Variants in GCNT1 observed in about 807,000 individuals in gnomAD.
GCNT1 encodes the protein beta-1,3-galactosyl-O-glycosyl-glycoprotein beta-1,6-N-acetylglucosaminyltransferase.
Under a neutral mutation model 26.2 loss-of-function variants are expected in GCNT1, and 16 were observed. That is an observed-to-expected ratio of 0.61 (90% CI 0.41 to 0.93). GCNT1 has a LOEUF of 0.93. Among genes scored for constraint, GCNT1 ranks in the 40% least tolerant of loss-of-function variants. The probability of loss-of-function intolerance (pLI) is 0.00; values close to 1 mark genes in which losing one functional copy is unlikely to be tolerated. For synonymous variants in GCNT1, 183 were observed against 190.8 expected, an observed-to-expected ratio of 0.96 and a Z score of 0.34; for missense variants, 477 against 526.7, an observed-to-expected ratio of 0.91 and a Z score of 0.92.
At chr9:76,402,345 A>C in the GCNT1 span, among the ~76,000 whole-genome samples, 9 of 152,272 alleles carry the variant, frequency 5.9e-5, no homozygotes, top group Admixed American at 3.9e-4. Flanking sequence ...TATTAAATTC[A>C]GAAAACATAT....
Position 76,443,939 on chromosome 9 carries a change from AAGGAAGGAAGGAAGGAAGG to A in GCNT1, c.-290+1626_-290+1644del, listed in dbSNP as rs1564225870. Among the ~76,000 whole-genome samples the A allele has an allele frequency of 1.3e-3, 83 of 62,730 alleles. 2 individuals are homozygous for A. Among genetic ancestry groups the A allele is most frequent in the South Asian group, 4.4e-3 (8 of 1,838 alleles). 41.2% of individuals were successfully genotyped at this position (62,730 alleles called of 152,430 possible). On this transcript the variant is annotated intron_variant, in intron 1 of 2. Transcript: ENST00000442371. ...AAAGGAAGAAAGGAAGAAAGGAAGG[AAGGAAGGAAGGAAGGAAGG>A]AAGGAAGGAAGGAAGGAAGGAAGGA...
At chr9:76,398,168 A>T in the GCNT1 span, among the ~76,000 whole-genome samples, 3 of 152,240 alleles carry the variant, frequency 2.0e-5, no homozygotes, top group Non-Finnish European at 2.9e-5. Flanking sequence ...CTAAAGAGAA[A>T]GTAGAACTGG....
chr9:76,404,674 C>A, the GCNT1 span, among the ~76,000 whole-genome samples: 1 of 152,260 alleles, frequency 6.6e-6, no homozygotes, highest in Admixed American at 6.5e-5. Flanking sequence ...ATAAGTCCAG[C>A]TACCCTTCTA....
chr9:76,455,929 TAA>T (rs1823752594), upstream of GCNT1, among the ~76,000 whole-genome samples: 1 of 152,228 alleles, frequency 6.6e-6, no homozygotes. Flanking sequence ...ATTGTACTTG[TAA>T]CTATAGTTTT....
chr9:76,418,150 G>A (rs1276788283), upstream of GCNT1, among the ~76,000 whole-genome samples: 1 of 152,168 alleles, frequency 6.6e-6, no homozygotes, highest in Non-Finnish European at 1.5e-5. Flanking sequence ...AGAGAGGGGA[G>A]GAGGGGTTCC....
the GCNT1 span, chr9:76,394,122 C>T: frequency 1.2e-6 from 2 of 1,609,494 alleles, no homozygotes; most frequent in Admixed American, 1.7e-5. Flanking sequence ...GGAGCCGCGG[C>T]CGAAGCCCCG....
chr9:76,422,829 A>G (rs1179427458), intron 1 of GCNT1, among the ~76,000 whole-genome samples: 1 of 152,262 alleles, frequency 6.6e-6, no homozygotes, highest in Admixed American at 6.5e-5. Context: ...CTGGGATCAT[A>G]GGCATGAGTC....
intron 1 of GCNT1, among the ~76,000 whole-genome samples, chr9:76,434,424 C>T (rs6560520): frequency 0.66 from 100,058 of 152,044 alleles, 33,509 homozygotes; most frequent in African/African-American, 0.75. Context: ...ATTTATCACT[C>T]CCCTAATAAT....
the GCNT1 span, among the ~76,000 whole-genome samples, chr9:76,413,729 G>A: frequency 7.1e-6 from 1 of 141,834 alleles, no homozygotes; most frequent in East Asian, 2.2e-4. Context: ...AGCATATGTA[G>A]TTTGATGTCT....
intron 2 of GCNT1, among the ~76,000 whole-genome samples, chr9:76,478,161 C>T (rs529952094): frequency 1.3e-5 from 2 of 152,190 alleles, no homozygotes; most frequent in Non-Finnish European, 2.9e-5. Context: ...CAGCGAGTAG[C>T]GGCAACCTGC....
upstream of GCNT1, among the ~76,000 whole-genome samples, chr9:76,415,894 C>T (rs1169326865): frequency 6.6e-6 from 1 of 152,126 alleles, no homozygotes; most frequent in Admixed American, 6.5e-5. Context: ...TTTTGTTCCA[C>T]TGCCAAGATT....
chr9:76,427,121 ATC>A (rs1823267817), intron 1 of GCNT1, among the ~76,000 whole-genome samples: 1 of 152,086 alleles, frequency 6.6e-6, no homozygotes, highest in South Asian at 2.1e-4. Context: ...AGAAAAGATC[ATC>A]TGAGGACACA....
At chr9:76,395,420 G>A in the GCNT1 span, among the ~76,000 whole-genome samples, 1 of 152,040 alleles carries the variant, frequency 6.6e-6, no homozygotes, top group African/African-American at 2.4e-5. Context: ...AGATTTACCT[G>A]ATATTAAATT....
chr9:76,405,531 G>A, the GCNT1 span, among the ~76,000 whole-genome samples: 6 of 152,162 alleles, frequency 3.9e-5, no homozygotes, highest in Admixed American at 1.3e-4. Context: ...AAAATCCTCT[G>A]TGCTTTACTT....
intron 1 of GCNT1, among the ~76,000 whole-genome samples, chr9:76,444,327 T>C (rs1426719523): frequency 6.6e-6 from 1 of 151,842 alleles, no homozygotes; most frequent in Non-Finnish European, 1.5e-5. Flanking sequence ...CAGCATGAGG[T>C]TGGATGAGGC....
chr9:76,480,803 GAT>G (rs1345377176), intron 2 of GCNT1, among the ~76,000 whole-genome samples: 3 of 152,100 alleles, frequency 2.0e-5, no homozygotes, highest in African/African-American at 7.2e-5. Flanking sequence ...ATGGAGAACT[GAT>G]ATTTTTTCTT....
At chr9:76,398,763 G>A in the GCNT1 span, 1 of 1,252,892 alleles carries the variant, frequency 8.0e-7, no homozygotes, top group Non-Finnish European at 1.2e-6. Flanking sequence ...CTTGCAGCAG[G>A]AACCCACTTA....
intron 2 of GCNT1, among the ~76,000 whole-genome samples, chr9:76,466,333 T>C (rs1003178317): frequency 1.3e-5 from 2 of 152,174 alleles, no homozygotes; most frequent in Non-Finnish European, 2.9e-5. Flanking sequence ...ACAGGATCTC[T>C]CTCCATTGCC....
chr9:76,447,082 G>A (rs1419551685), intron 1 of GCNT1, among the ~76,000 whole-genome samples: 1 of 141,738 alleles, frequency 7.1e-6, no homozygotes, highest in East Asian at 2.3e-4. Flanking sequence ...CTGAGCCCAG[G>A]AGATTGAGGC....
Sources: allele counts gnomAD v4.1 joint callset (sites outside exome capture counted in the v4.1 genomes callset), GRCh38; gene constraint gnomAD v4.1.1; transcripts MANE v1.5; gene names NCBI Gene and HGNC (gene_info 2026-07-23, HGNC 2026-07-21).